The following NAV2 variants were observed in gnomAD, a reference collection of about 807,000 sequenced individuals.
NAV2 encodes helicase, APC down-regulated 1.
NAV2 carries 54 observed loss-of-function variants against 223.2 expected under a neutral mutation model. That is an observed-to-expected ratio of 0.24 (90% confidence interval 0.19 to 0.30). NAV2 has a LOEUF of 0.30. Ranked by LOEUF, NAV2 falls within the 10% of genes least tolerant of loss-of-function variation. The pLI is 1.00. For synonymous variants in NAV2, 1,279 were observed against 1,239.3 expected, an observed-to-expected ratio of 1.03 and a Z score of -0.67; for missense variants, 2,806 against 3,147.5, an observed-to-expected ratio of 0.89 and a Z score of 2.60.
intron 1 of NAV2, chr11:19,518,655 A>G (rs1215374639): frequency 6.6e-6 from 1 of 152,242 alleles, no homozygotes; most frequent in Non-Finnish European, 1.5e-5. Flanking sequence ...AACATTTATT[A>G]GTTGTTTAAC....
intron 11 of NAV2, among the ~76,000 whole-genome samples, chr11:20,011,468 C>T (rs2053559344): frequency 6.6e-6 from 1 of 152,162 alleles, no homozygotes; most frequent in Non-Finnish European, 1.5e-5. Flanking sequence ...TACTTGCTTG[C>T]AATGAGTCAC....
intron 1 of NAV2, among the ~76,000 whole-genome samples, chr11:19,499,611 A>G (rs1407405262): frequency 6.6e-6 from 1 of 152,244 alleles, no homozygotes; most frequent in African/African-American, 2.4e-5. Context: ...GCATGTAGAC[A>G]GCTTAACCTT....
At chr11:19,346,304 G>T (rs1853002626), upstream of NAV2, among the ~76,000 whole-genome samples, 1 of 152,228 alleles carries the variant, frequency 6.6e-6, no homozygotes, top group Admixed American at 6.5e-5. Context: ...TGCTGTGCCT[G>T]TCTGTCCATA....
At position 19,933,591 on chromosome 11, in the gene NAV2, C is replaced by T. The variant is rs1415196846; in HGVS notation, c.1347C>T (p.Leu449=). Residue 449 remains leucine, a synonymous_variant, in exon 7 of 38, where the codon CTC becomes CTT. Transcript: ENST00000349880. The surrounding 1 kb of genome is among the most constrained non-coding windows in gnomAD (Gnocchi z 4.3). ...SEELEAASRM[L]TTVGPASSSP... ...AGCTGGAGGCCGCCAGTCGCATGCT[C>T]ACCACCGTGGGCCCTGCTTCCAGCA... The T allele has an allele frequency of 3.1e-6, 5 of 1,612,818 alleles. No individual in the cohort carries two copies. The African/African-American group carries it at 5.3e-5, about 17-fold the overall frequency.
chr11:19,664,832 A>G (rs1467682246), intron 1 of NAV2, among the ~76,000 whole-genome samples: 2 of 152,176 alleles, frequency 1.3e-5, no homozygotes, highest in Non-Finnish European at 2.9e-5. Context: ...AACACCTACT[A>G]TGTGTTTGCA....
At chr11:19,558,009 A>C (rs2044960493) in intron 1 of NAV2, among the ~76,000 whole-genome samples, 1 of 152,202 alleles carries the variant, frequency 6.6e-6, no homozygotes, top group Non-Finnish European at 1.5e-5. Flanking sequence ...TCTGAGAGGT[A>C]CTGCTCTTTT....
intron 1 of NAV2, among the ~76,000 whole-genome samples, chr11:19,352,874 A>T (rs1263019036): frequency 6.6e-6 from 1 of 152,174 alleles, no homozygotes. Context: ...CCACTGCAGT[A>T]GCTTCTGTTG....
chr11:19,712,533 G>T (rs569462159), upstream of NAV2: 2 of 152,326 alleles, frequency 1.3e-5, no homozygotes, highest in East Asian at 3.9e-4. Context: ...CTCGAGCCGT[G>T]CCCGCGTGGC....
At position 19,931,188 on chromosome 11, in the gene NAV2, G is replaced by A. The variant is rs534683694; in HGVS notation, c.932-1988G>A. 3.0e-4 allele frequency among the ~76,000 whole-genome samples: 46 copies of A among 152,258 alleles called. 1 individual carries two copies. Among genetic ancestry groups the A allele is most frequent in the African/African-American group, 1.1e-3 (46 of 41,560 alleles). ...ACCAAGCAGGCCGCTGATGGGCAGC[G>A]TCAAGCCTGTAGCAACCCTCTAACA... On this transcript the variant is annotated intron_variant, in intron 6 of 37. Transcript: ENST00000349880.
intron 1 of NAV2, among the ~76,000 whole-genome samples, chr11:19,419,948 G>T (rs935996298): frequency 1.3e-5 from 2 of 152,194 alleles, no homozygotes; most frequent in Admixed American, 6.5e-5. Flanking sequence ...AATGAGCAAA[G>T]CCCTGGGTCA....
intron 1 of NAV2, among the ~76,000 whole-genome samples, chr11:19,804,776 A>G (rs2058458116): frequency 6.6e-6 from 1 of 152,250 alleles, no homozygotes; most frequent in Admixed American, 6.5e-5. Flanking sequence ...AACATGTGAA[A>G]TAGGGGATAA....
intron 1 of NAV2, among the ~76,000 whole-genome samples, chr11:19,528,518 C>T (rs528013455): frequency 1.2e-4 from 19 of 152,284 alleles, no homozygotes; most frequent in African/African-American, 2.4e-4. Flanking sequence ...GGATGGACTC[C>T]GGCAGGTGGG....
chr11:20,084,661 C>T (rs1441427866), intron 26 of NAV2, among the ~76,000 whole-genome samples: 1 of 152,132 alleles, frequency 6.6e-6, no homozygotes, highest in East Asian at 1.9e-4. Context: ...AAGAATTAGA[C>T]AAATTACTGA....
intron 9 of NAV2, 54 bp downstream of exon 9, chr11:19,946,563 T>G: frequency 6.7e-7 from 1 of 1,486,434 alleles, no homozygotes; most frequent in Non-Finnish European, 9.2e-7. Flanking sequence ...AATTTTCTCC[T>G]GTGTTTGTTC....
Position 19,809,934 on chromosome 11 carries a change from A to G in NAV2, c.268-22550A>G, listed in dbSNP as rs148185151. On this transcript the variant is annotated intron_variant, in intron 1 of 37. Transcript: ENST00000349880. ...CTATCAACATGACTTGCTAATGTTT[A>G]TGTTAACCTCGATCACCTGGCTGAG... is the stretch of plus-strand genomic sequence containing the variant. 3.6e-4 allele frequency among the ~76,000 whole-genome samples: 55 copies of G among 152,322 alleles called. No homozygotes were observed. In the East Asian group the frequency reaches 0.01, roughly 29 times the overall value.
intron 1 of NAV2, among the ~76,000 whole-genome samples, chr11:19,480,609 G>A (rs2042248808): frequency 6.6e-6 from 1 of 152,190 alleles, no homozygotes; most frequent in African/African-American, 2.4e-5. Flanking sequence ...AAGAAGAGAA[G>A]GGAAAATCAT....
At chr11:19,958,485 G>A (rs1028090298) in intron 10 of NAV2, among the ~76,000 whole-genome samples, 3 of 152,178 alleles carry the variant, frequency 2.0e-5, no homozygotes, top group African/African-American at 7.2e-5. Flanking sequence ...CATAAGGTGA[G>A]GGTCGGTGGG....
At chr11:19,387,306 C>T (rs370270326) in intron 1 of NAV2, among the ~76,000 whole-genome samples, 1 of 152,210 alleles carries the variant, frequency 6.6e-6, no homozygotes, top group East Asian at 1.9e-4. Context: ...CTTTCTGTCT[C>T]TGAGATTAGA....
intron 36 of NAV2, chr11:20,114,336 C>T (rs903745443): frequency 5.5e-6 from 3 of 548,996 alleles, no homozygotes; most frequent in Admixed American, 3.2e-5. Context: ...GAGTCAGTGG[C>T]AGAGCTGAGA....
Sources: allele counts gnomAD v4.1 joint callset (sites outside exome capture counted in the v4.1 genomes callset), GRCh38; gene constraint gnomAD v4.1.1; non-coding constraint Gnocchi (gnomAD v3.1); transcripts MANE v1.5; gene names NCBI Gene and HGNC (gene_info 2026-07-23, HGNC 2026-07-21).